The following CALN1 variants were observed in gnomAD, a reference collection of about 807,000 sequenced individuals.
CALN1 encodes calcium-binding protein 8.
In CALN1, 17 loss-of-function variants were observed where a neutral mutation model predicts 30.6. The observed-to-expected ratio is 0.56, with a 90% CI of 0.38 to 0.83. The LOEUF (loss-of-function observed/expected upper bound fraction) is 0.83, where lower values mean the gene tolerates loss of function less well. CALN1 is among the 40% of genes least tolerant of loss of function. CALN1 has a pLI of 0.00. For synonymous variants in CALN1, 156 were observed against 131.4 expected, an observed-to-expected ratio of 1.19 and a Z score of -1.28; for missense variants, 291 against 354.9, an observed-to-expected ratio of 0.82 and a Z score of 1.45.
intron 2 of CALN1, among the ~76,000 whole-genome samples, chr7:72,394,446 T>C (rs892110661): frequency 3.3e-5 from 5 of 152,162 alleles, no homozygotes; most frequent in African/African-American, 1.2e-4. Flanking sequence ...AAGCATTGCC[T>C]GTGAGAACAA....
chr7:72,092,322 G>T (rs185877263), intron 4 of CALN1, among the ~76,000 whole-genome samples: 8 of 151,862 alleles, frequency 5.3e-5, no homozygotes, highest in Non-Finnish European at 7.4e-5. Flanking sequence ...TGTTCTTTAC[G>T]ATTTAATTAG....
chr7:71,872,124 T>G (rs896362100), intron 5 of CALN1, among the ~76,000 whole-genome samples: 1 of 152,250 alleles, frequency 6.6e-6, no homozygotes, highest in African/African-American at 2.4e-5. Context: ...ATAGTAGGTC[T>G]ATCATTGATT....
intron 1 of CALN1, among the ~76,000 whole-genome samples, chr7:72,431,075 C>A (rs893775503): frequency 6.6e-6 from 1 of 151,232 alleles, no homozygotes; most frequent in South Asian, 2.1e-4. Flanking sequence ...GATTACAGGC[C>A]TGTGCCACCA....
intron 2 of CALN1, among the ~76,000 whole-genome samples, chr7:72,296,148 T>C (rs1271611593): frequency 6.6e-6 from 1 of 151,912 alleles, no homozygotes; most frequent in South Asian, 2.1e-4. Flanking sequence ...TGGCTCTGTT[T>C]ATATGCTGGA....
intron 2 of CALN1, among the ~76,000 whole-genome samples, chr7:72,350,250 G>C (rs1230509649): frequency 7.9e-5 from 12 of 152,182 alleles, no homozygotes; most frequent in Non-Finnish European, 1.5e-4. Flanking sequence ...ACTCAGAACA[G>C]AACAAGCACT....
At chr7:72,390,552 G>A (rs1343652487) in intron 2 of CALN1, among the ~76,000 whole-genome samples, 2 of 152,154 alleles carry the variant, frequency 1.3e-5, no homozygotes, top group African/African-American at 4.8e-5. Context: ...AAATTTGGAT[G>A]GGAAAGAATA....
the CALN1 span, among the ~76,000 whole-genome samples, chr7:72,478,930 G>T: frequency 7.1e-6 from 1 of 140,094 alleles, no homozygotes; most frequent in Non-Finnish European, 1.5e-5. Context: ...CACCAAGGCT[G>T]GAGTGCATTG....
chr7:71,820,908 C>A (rs746767072), intron 5 of CALN1, among the ~76,000 whole-genome samples: 1 of 152,034 alleles, frequency 6.6e-6, no homozygotes, highest in African/African-American at 2.4e-5. Context: ...GCTGTGTAAA[C>A]GAGAGGTTGA....
intron 4 of CALN1, among the ~76,000 whole-genome samples, chr7:72,093,850 T>C (rs758495893): frequency 2.0e-5 from 3 of 152,210 alleles, no homozygotes; most frequent in Non-Finnish European, 4.4e-5. Context: ...ATCAAATCTC[T>C]TATGTGAAAT....
intron 5 of CALN1, among the ~76,000 whole-genome samples, chr7:71,948,711 A>T (rs1365211632): frequency 1.9e-4 from 29 of 149,462 alleles, no homozygotes; most frequent in African/African-American, 7.2e-4. Flanking sequence ...AGCCTGGGTG[A>T]CAGAGAGAGA....
intron 5 of CALN1, among the ~76,000 whole-genome samples, chr7:71,971,501 T>C (rs926135031): frequency 5.3e-5 from 8 of 152,032 alleles, no homozygotes; most frequent in African/African-American, 1.7e-4. Context: ...ACTGAGACCC[T>C]TGTATGTGCA....
At chr7:71,837,292 T>C (rs1010299545) in intron 5 of CALN1, among the ~76,000 whole-genome samples, 1 of 146,398 alleles carries the variant, frequency 6.8e-6, no homozygotes, top group African/African-American at 2.5e-5. Context: ...TCCAGATCTG[T>C]TGGGCTTATT....
At chr7:72,101,602 T>C (rs1806671987) in intron 4 of CALN1, among the ~76,000 whole-genome samples, 1 of 152,192 alleles carries the variant, frequency 6.6e-6, no homozygotes, top group Non-Finnish European at 1.5e-5. Flanking sequence ...TGTCTACAGC[T>C]GCACTTGGCG....
intron 4 of CALN1, among the ~76,000 whole-genome samples, chr7:72,082,285 C>T (rs17144331): frequency 0.072 from 10,916 of 152,276 alleles, 500 homozygotes; most frequent in South Asian, 0.14. Context: ...CTCGCTCCGC[C>T]GGAACAAACT....
At chr7:72,181,402 T>C (rs991866730) in intron 3 of CALN1, among the ~76,000 whole-genome samples, 1 of 152,024 alleles carries the variant, frequency 6.6e-6, no homozygotes, top group Non-Finnish European at 1.5e-5. Context: ...GTGGAAATCC[T>C]TTCAGTGGCC....
intron 4 of CALN1, among the ~76,000 whole-genome samples, chr7:72,065,038 G>T (rs1257444538): frequency 1.3e-5 from 2 of 148,744 alleles, no homozygotes; most frequent in African/African-American, 4.9e-5. Context: ...TGATATACAT[G>T]TAAAATATAT....
At chr7:71,973,693 GA>G (rs1797961982) in intron 5 of CALN1, among the ~76,000 whole-genome samples, 2 of 151,962 alleles carry the variant, frequency 1.3e-5, no homozygotes, top group South Asian at 4.1e-4. Context: ...GCACATTTAA[GA>G]TGCATGATAA....
chr7:71,902,271 A>ACC (rs1412397582), intron 5 of CALN1, among the ~76,000 whole-genome samples: 3 of 125,308 alleles, frequency 2.4e-5, no homozygotes, highest in African/African-American at 9.7e-5. Context: ...CAACCAATCA[A>ACC]AAAAAAAAAA....
the CALN1 span, among the ~76,000 whole-genome samples, chr7:72,465,238 T>G: frequency 6.6e-6 from 1 of 152,194 alleles, no homozygotes; most frequent in South Asian, 2.1e-4. Context: ...CCGAGAAGTC[T>G]TCCTTCATGC....
Sources: gnomAD v4.1 joint callset for allele counts (sites outside exome capture counted in the v4.1 genomes callset) on GRCh38, gnomAD v4.1.1 for gene constraint, MANE v1.5 for transcripts, NCBI Gene and HGNC (gene_info 2026-07-23, HGNC 2026-07-21) for gene names.